Variants in APCDD1 observed in about 807,000 individuals in gnomAD.
APCDD1 encodes the protein protein APCDD1.
APCDD1 carries 15 observed loss-of-function variants against 38.1 expected under a neutral mutation model. The observed-to-expected ratio is 0.39, with a 90% CI of 0.26 to 0.61. The LOEUF is 0.61. APCDD1 is among the 20% of genes least tolerant of loss of function. The probability of loss-of-function intolerance (pLI) is 0.49; values close to 1 mark genes in which losing one functional copy is unlikely to be tolerated. For synonymous variants in APCDD1, 261 were observed against 279.7 expected (o/e 0.93, Z 0.67); for missense variants, 647 against 696.2 (o/e 0.93, Z 0.79).
At chr18:10,455,090 G>A in intron 1 of APCDD1, 51 bp downstream of exon 1, 3 of 1,544,756 alleles carry the variant, frequency 1.9e-6, no homozygotes, top group Non-Finnish European at 2.6e-6. Context: ...AGGCAGCCCG[G>A]GCGCCGCGGA....
At chr18:10,460,126 T>C (rs748626651) in intron 1 of APCDD1, among the ~76,000 whole-genome samples, 1 of 152,240 alleles carries the variant, frequency 6.6e-6, no homozygotes. Flanking sequence ...CATTTTATTA[T>C]GTGTAAAATA....
chr18:10,461,017 G>T (rs1368664416), intron 1 of APCDD1, among the ~76,000 whole-genome samples: 1 of 152,098 alleles, frequency 6.6e-6, no homozygotes, highest in Admixed American at 6.5e-5. Flanking sequence ...TTTCATTTAG[G>T]TAACTCTGTT....
chr18:10,466,129 T>C (rs1397609470), intron 1 of APCDD1, among the ~76,000 whole-genome samples: 1 of 152,238 alleles, frequency 6.6e-6, no homozygotes, highest in African/African-American at 2.4e-5. Context: ...CTAAAATCTA[T>C]TTTAAGTTAG....
chr18:10,464,667 C>T (rs978030762), intron 1 of APCDD1, among the ~76,000 whole-genome samples: 5 of 152,194 alleles, frequency 3.3e-5, no homozygotes, highest in Admixed American at 3.3e-4. Context: ...GCTGTCCTTC[C>T]ACCTCAGCCT....
At chr18:10,460,462 G>T (rs1424565325) in intron 1 of APCDD1, among the ~76,000 whole-genome samples, 1 of 152,046 alleles carries the variant, frequency 6.6e-6, no homozygotes, top group African/African-American at 2.4e-5. Flanking sequence ...GAACCCAGGA[G>T]GCGGAGGTTG....
In APCDD1 at chr18:10,454,643, G is replaced by C; in HGVS notation, c.-339G>C. The stretch of plus-strand genomic sequence containing the variant: ...CGGCGCGCTGGAAATATGAAGAGAC[G>C]CTGCAGCTGCGGTGGCGGTGGCGGC... On this transcript the variant is annotated 5_prime_UTR_variant, in exon 1 of 5. Transcript: ENST00000355285. 1.9e-6 allele frequency: 2 copies of C among 1,049,190 alleles called. No homozygotes were observed. The highest frequency in any genetic ancestry group is 1.0e-4 in the East Asian group (1 of 9,670). The allele number at this position is 1,049,190 out of a possible 1,614,324, so 65.0% of individuals were successfully genotyped here. A position where few individuals can be genotyped will look rare whatever the true frequency, so the allele number is the denominator to read the frequency against.
At chr18:10,483,575 G>A (rs537319785) in intron 3 of APCDD1, among the ~76,000 whole-genome samples, 16 of 152,220 alleles carry the variant, frequency 1.1e-4, no homozygotes, top group Non-Finnish European at 7.3e-5. Flanking sequence ...ACCAAACAGC[G>A]ACCACAACGA....
intron 4 of APCDD1, among the ~76,000 whole-genome samples, chr18:10,486,011 A>G (rs562515794): frequency 1.3e-5 from 2 of 152,314 alleles, no homozygotes; most frequent in Admixed American, 1.3e-4. Flanking sequence ...AGAGGAGTCC[A>G]CGCCACTGCC....
chr18:10,485,860 G>A lies in APCDD1; in HGVS notation c.1096+77G>A. ...ACATTTTTGTGGAGGCAGAGCTGAG[G>A]GAAAGGACCTCTTTTCTGCCTGAGT... is the stretch of plus-strand genomic sequence containing the variant. On this transcript the variant is annotated intron_variant, in intron 4 of 4. Coordinates refer to ENST00000355285, the MANE Select transcript of APCDD1 (RefSeq NM_153000.5). The surrounding 1 kb of genome is among the most constrained non-coding windows in gnomAD (Gnocchi z 5.8). 2.0e-6 allele frequency: 3 copies of A among 1,491,652 alleles called. No individual in the cohort carries two copies. The highest frequency in any genetic ancestry group is 2.3e-5 in the South Asian group (2 of 85,382). The allele number at this position is 1,491,652 out of a possible 1,614,324, so 92.4% of individuals were successfully genotyped here.
intron 3 of APCDD1, among the ~76,000 whole-genome samples, chr18:10,473,555 C>T (rs1396781689): frequency 6.6e-6 from 1 of 152,130 alleles, no homozygotes; most frequent in Non-Finnish European, 1.5e-5. Flanking sequence ...GTCAGGGGGT[C>T]CCAGAGGTTT....
At position 10,471,069 on chromosome 18, in the gene APCDD1, C is replaced by T. The variant is rs931745937; in HGVS notation, c.243-461C>T. Reference sequence around the variant, plus strand: ...CATAAAATAAAAGTGTTCAGGAAGTCGACCGTTTTTGAACTAGCGTAAGGG... The same window carrying T: ...CATAAAATAAAAGTGTTCAGGAAGTTGACCGTTTTTGAACTAGCGTAAGGG... On this transcript the variant is annotated intron_variant, in intron 2 of 4. Transcript: ENST00000355285. This position sits in a 1 kb window ranked among gnomAD's most constrained non-coding sequence, Gnocchi z 5.5. Among the ~76,000 whole-genome samples the T allele has an allele frequency of 6.6e-6, 1 of 152,228 alleles. No individual in the cohort carries two copies. The highest frequency in any genetic ancestry group is 2.4e-5 in the African/African-American group (1 of 41,468).
intron 3 of APCDD1, among the ~76,000 whole-genome samples, chr18:10,484,425 G>A (rs1261326884): frequency 6.6e-6 from 1 of 152,098 alleles, no homozygotes; most frequent in Admixed American, 6.5e-5. Context: ...AATTTTAATT[G>A]TGGTAAAATA....
At chr18:10,455,252 G>T (rs1598393104) in intron 1 of APCDD1, among the ~76,000 whole-genome samples, 3 of 152,326 alleles carry the variant, frequency 2.0e-5, no homozygotes, top group East Asian at 1.9e-4. Flanking sequence ...CCCCCAGGGC[G>T]CCCGGAGCTC....
chr18:10,478,554 G>T (rs1307643789), intron 3 of APCDD1, among the ~76,000 whole-genome samples: 2 of 152,184 alleles, frequency 1.3e-5, no homozygotes, highest in African/African-American at 2.4e-5. Flanking sequence ...ACCTCCCTCT[G>T]TATCCTCATG....
At position 10,472,058 on chromosome 18, in the gene APCDD1, C is replaced by T; in HGVS notation, c.771C>T (p.Ala257=). The change falls in exon 3 of 5, where the codon GCC becomes GCT. Residue 257 remains alanine, a synonymous_variant. Coordinates refer to ENST00000355285, the MANE Select transcript of APCDD1 (RefSeq NM_153000.5). This position sits in a 1 kb window ranked among gnomAD's most constrained non-coding sequence, Gnocchi z 6.6. ...PSSYQPPLQN[A]KNHDHACIAC... ...GTTACCAGCCCCCTCTGCAGAATGC[C>T]AAGGTACCTCAGAGCTCTGTGTTCT... The T allele has an allele frequency of 6.2e-7, 1 of 1,613,424 alleles. No individual in the cohort carries two copies. The highest frequency in any genetic ancestry group is 1.1e-5 in the South Asian group (1 of 91,078).
chr18:10,465,397 T>A (rs2030683475), intron 1 of APCDD1, among the ~76,000 whole-genome samples: 2 of 152,168 alleles, frequency 1.3e-5, no homozygotes, highest in Admixed American at 6.5e-5. Context: ...CATGCTTGGT[T>A]TTTTTCTTCC....
chr18:10,482,759 T>A (rs1457483547), intron 3 of APCDD1, among the ~76,000 whole-genome samples: 1 of 152,194 alleles, frequency 6.6e-6, no homozygotes, highest in Non-Finnish European at 1.5e-5. Flanking sequence ...GCAGGAGCCC[T>A]GGGCTGGGCA....
intron 1 of APCDD1, among the ~76,000 whole-genome samples, chr18:10,466,108 T>C (rs1303689750): frequency 1.3e-5 from 2 of 152,220 alleles, no homozygotes; most frequent in African/African-American, 2.4e-5. Context: ...CCCAATACCT[T>C]GTAACTTTAG....
At position 10,471,686 on chromosome 18, in the gene APCDD1, C is replaced by T; in HGVS notation, c.399C>T (p.Ala133=). 1 of 1,614,186 alleles carries T rather than the reference C, an allele frequency of 6.2e-7. No homozygotes were observed. Among genetic ancestry groups the T allele is most frequent in the Non-Finnish European group, 8.5e-7 (1 of 1,180,050 alleles). The part of the protein sequence containing the change: ...IIRGKIRLRQ[A]SWIIRGGTEA... Reference sequence around the variant, plus strand: ...GGGGCAAGATCCGCCTCCGCCAGGCCTCCTGGATCATCCGAGGGGGCACGG... The same window carrying T: ...GGGGCAAGATCCGCCTCCGCCAGGCTTCCTGGATCATCCGAGGGGGCACGG... Residue 133 remains alanine, a synonymous_variant, in exon 3 of 5, where the codon GCC becomes GCT. Coordinates refer to ENST00000355285, the MANE Select transcript of APCDD1 (RefSeq NM_153000.5). The surrounding 1 kb of genome is among the most constrained non-coding windows in gnomAD (Gnocchi z 5.5).
Sources: allele counts gnomAD v4.1 joint callset (sites outside exome capture counted in the v4.1 genomes callset), GRCh38; gene constraint gnomAD v4.1.1; non-coding constraint Gnocchi (gnomAD v3.1); transcripts MANE v1.5; gene names NCBI Gene and HGNC (gene_info 2026-07-23, HGNC 2026-07-21).